RECQL5: variants seen among roughly 807,000 people sequenced by gnomAD.
RECQL5 encodes the protein RecQ like helicase 5.
RECQL5 carries 88 observed loss-of-function variants against 103.4 expected under a neutral mutation model. That is an observed-to-expected ratio of 0.85 (90% confidence interval 0.72 to 1.02). The LOEUF is 1.02. Among genes scored for constraint, RECQL5 ranks in the 50% least tolerant of loss-of-function variants. The pLI is 0.00. For synonymous variants in RECQL5, 552 were observed against 507.9 expected (o/e 1.09, Z -1.17); for missense variants, 1,232 against 1,284.3 (o/e 0.96, Z 0.62).
At chr17:75,639,913 G>A in intron 8 of RECQL5, 1 of 344,366 alleles carries the variant, frequency 2.9e-6, no homozygotes, top group Non-Finnish European at 5.3e-6. Context: ...ACCACCACCA[G>A]CCGCCGCCTT....
chr17:75,635,881 G>A, intron 8 of RECQL5: 1 of 985,348 alleles, frequency 1.0e-6, no homozygotes, highest in South Asian at 4.7e-5. Flanking sequence ...TATCAGCTCT[G>A]CGAGGAGGAA....
intron 8 of RECQL5, among the ~76,000 whole-genome samples, chr17:75,632,505 C>T (rs982346016): frequency 6.6e-6 from 1 of 152,256 alleles, no homozygotes; most frequent in South Asian, 2.1e-4. Context: ...CCATCATCAA[C>T]CCGTGAGGGT....
chr17:75,648,664 G>A (rs1164760342), intron 8 of RECQL5, among the ~76,000 whole-genome samples: 3 of 131,386 alleles, frequency 2.3e-5, no homozygotes, highest in Admixed American at 9.1e-5. Context: ...GAGCCACGGC[G>A]CCCGGCCTTT....
chr17:75,654,434 A>G (rs567833733), intron 7 of RECQL5, among the ~76,000 whole-genome samples: 237 of 152,266 alleles, frequency 1.6e-3, no homozygotes, highest in Middle Eastern at 0.01. Context: ...GTCCTGTGCC[A>G]AGACTTACTC....
At chr17:75,630,115 A>G in intron 14 of RECQL5, 69 bp downstream of exon 14, 2 of 1,339,902 alleles carry the variant, frequency 1.5e-6, no homozygotes, top group South Asian at 2.9e-5. Flanking sequence ...GAGAGCTGGC[A>G]GACAGCTTCT....
chr17:75,665,522 T>C (rs1454808711), intron 2 of RECQL5, among the ~76,000 whole-genome samples: 1 of 152,070 alleles, frequency 6.6e-6, no homozygotes, highest in Non-Finnish European at 1.5e-5. Flanking sequence ...AAACTCTGTC[T>C]CTACTAAGAA....
chr17:75,661,603 TA>T lies in RECQL5; in HGVS notation c.874+2del, dbSNP rs1568284676. On this transcript the variant is annotated splice_donor_variant, in intron 5 of 19. Transcript: ENST00000317905. LOFTEE classifies it high-confidence loss of function. Reference sequence around the variant, plus strand: ...AGACTCAAGTGGCCTGGGTGCCCCTTACCTGCATGGTAAGCCTTGGCGTTCA... The same window carrying T: ...AGACTCAAGTGGCCTGGGTGCCCCTTCCTGCATGGTAAGCCTTGGCGTTCA... 1 of 1,612,874 alleles carries T rather than the reference TA, an allele frequency of 6.2e-7. No homozygotes were observed. The highest frequency in any genetic ancestry group is 1.7e-5 in the Admixed American group (1 of 59,976).
rs1245083840 is a variant in RECQL5, at chr17:75,627,440, C to T, written c.2958G>A (p.Leu986=). ...CAGTTGGTCATCTCTGGGGGCCACACAGGCCATGCCAGTCAGCTTCGCTCT... is the reference window on the plus strand; with the variant it reads ...CAGTTGGTCATCTCTGGGGGCCACATAGGCCATGCCAGTCAGCTTCGCTCT... ...RCESEADWHG[L]CGPQR The change falls in exon 20 of 20, where the codon CTG becomes CTA. Residue 986 remains leucine (L), a synonymous_variant. Transcript: ENST00000317905. The T allele has an allele frequency of 1.9e-6, 3 of 1,613,500 alleles. No individual in the cohort carries two copies. The highest frequency in any genetic ancestry group is 1.1e-5 in the South Asian group (1 of 91,088).
chr17:75,629,398 T>C lies in RECQL5; in HGVS notation c.2025A>G (p.Thr675=), dbSNP rs820191. The C allele has an allele frequency of 1, 1,506,187 of 1,509,046 alleles. 751,726 individuals carry two copies. Among genetic ancestry groups the C allele is most frequent in the East Asian group, 1 (43,692 of 43,692 alleles). 93.5% of individuals were successfully genotyped at this position (1,509,046 alleles called of 1,614,324 possible). A position where few individuals can be genotyped will look rare whatever the true frequency, so the allele number is the denominator to read the frequency against. The change falls in exon 16 of 20, where the codon ACA becomes ACG. Residue 675 remains threonine, a synonymous_variant. Transcript: ENST00000317905. Reference sequence around the variant, plus strand: ...GGGGGGCTTGCTCCCTGATCCGAGTTGTCTCCATCAGTTCCGTGGCCGTCT... The same window carrying C: ...GGGGGGCTTGCTCCCTGATCCGAGTCGTCTCCATCAGTTCCGTGGCCGTCT... ...PFQTATELME[T]TRIREQAPQP...
intron 8 of RECQL5, among the ~76,000 whole-genome samples, chr17:75,647,176 G>A (rs57118784): frequency 2.6e-5 from 4 of 152,316 alleles, no homozygotes; most frequent in Admixed American, 2.0e-4. Context: ...TATCTAGAGC[G>A]GGGGAAATGC....
intron 3 of RECQL5, among the ~76,000 whole-genome samples, chr17:75,664,783 T>A (rs1031037081): frequency 6.6e-6 from 1 of 151,290 alleles, no homozygotes; most frequent in Non-Finnish European, 1.5e-5. Context: ...TATGGTGGCA[T>A]ACACCTGTAA....
chr17:75,633,688 A>G, intron 8 of RECQL5: 1 of 1,142,222 alleles, frequency 8.8e-7, no homozygotes, highest in East Asian at 7.7e-5. Context: ...GGCCAGAGGG[A>G]CAGAAGGGGT....
chr17:75,662,695 A>G lies in RECQL5; in HGVS notation c.555T>C (p.His185=). The G allele has an allele frequency of 6.2e-7, 1 of 1,614,136 alleles. No homozygotes were observed. The highest frequency in any genetic ancestry group is 8.5e-7 in the Non-Finnish European group (1 of 1,180,042). ...RLGALRSRLG[H]APCVALTATA... is the part of the protein sequence containing the mutation. The stretch of plus-strand genomic sequence containing the variant: ...TGGCGGTCAGAGCCACACAAGGGGC[A>G]TGTCCCAGGCGGGAGCGCAGGGCAC... Residue 185 remains histidine, a synonymous_variant, in exon 4 of 20, where the codon CAT becomes CAC. Coordinates refer to ENST00000317905, the MANE Select transcript of RECQL5 (RefSeq NM_004259.7).
chr17:75,664,011 G>A (rs1324423626), intron 3 of RECQL5, among the ~76,000 whole-genome samples: 2 of 131,870 alleles, frequency 1.5e-5, no homozygotes, highest in Admixed American at 9.6e-5. Context: ...CCGAGAACAC[G>A]CCATTGCACT....
At chr17:75,638,455 T>A (rs1270119435) in intron 8 of RECQL5, 1 of 152,350 alleles carries the variant, frequency 6.6e-6, no homozygotes, top group African/African-American at 2.4e-5. Flanking sequence ...CACTCTAGCT[T>A]GGGCAACAAG....
chr17:75,642,127 A>ACCC (rs1195067176), intron 8 of RECQL5, among the ~76,000 whole-genome samples: 1 of 151,528 alleles, frequency 6.6e-6, no homozygotes, highest in Non-Finnish European at 1.5e-5. Context: ...TTCCTTCCTT[A>ACCC]CCCCCTCCTT....
chr17:75,635,773 A>C (rs1194158293), intron 8 of RECQL5: 2 of 984,864 alleles, frequency 2.0e-6, no homozygotes, highest in Non-Finnish European at 2.4e-6. Flanking sequence ...CAGAGCAAGC[A>C]GCCCTCTGGG....
chr17:75,659,467 C>T (rs1202039439), intron 6 of RECQL5, among the ~76,000 whole-genome samples: 1 of 152,198 alleles, frequency 6.6e-6, no homozygotes, highest in Non-Finnish European at 1.5e-5. Flanking sequence ...AGCAATCCTT[C>T]CACCTCGGCT....
At position 75,628,444 on chromosome 17, in the gene RECQL5, T is replaced by A. The variant is rs1468690356; in HGVS notation, c.2581-2A>T. ...CTGAGGCTGGCTCTCTGGGTTCTCCTGAGAAGGGCCACAGCAGAGGGTCAC... is the reference window on the plus strand; with the variant it reads ...CTGAGGCTGGCTCTCTGGGTTCTCCAGAGAAGGGCCACAGCAGAGGGTCAC... On this transcript the variant is annotated splice_acceptor_variant, in intron 17 of 19. Transcript: ENST00000317905. LOFTEE classifies it high-confidence loss of function. The A allele has an allele frequency of 2.5e-6, 4 of 1,612,780 alleles. No homozygotes were observed. In the South Asian group the frequency reaches 4.4e-5, roughly 18 times the overall value.
Sources: gnomAD v4.1 joint callset for allele counts (sites outside exome capture counted in the v4.1 genomes callset) on GRCh38, gnomAD v4.1.1 for gene constraint, MANE v1.5 for transcripts, NCBI Gene and HGNC (gene_info 2026-07-23, HGNC 2026-07-21) for gene names.